Variants in PPP2R3A observed in about 807,000 individuals in gnomAD.
The protein encoded by PPP2R3A is protein phosphatase 2 regulatory subunit B''alpha.
In PPP2R3A, 80 loss-of-function variants were observed where a neutral mutation model predicts 106.9. The observed-to-expected ratio is 0.75, with a 90% confidence interval of 0.62 to 0.90. The LOEUF (loss-of-function observed/expected upper bound fraction) is 0.90. Among genes scored for constraint, PPP2R3A ranks in the 40% least tolerant of loss-of-function variants. PPP2R3A has a pLI of 0.00. For synonymous variants in PPP2R3A, 483 were observed against 468.3 expected, an observed-to-expected ratio of 1.03 and a Z score of -0.41; for missense variants, 1,386 against 1,350.4, an observed-to-expected ratio of 1.03 and a Z score of -0.41.
At chr3:136,093,071 A>G (rs956702844) in intron 10 of PPP2R3A, among the ~76,000 whole-genome samples, 1 of 152,262 alleles carries the variant, frequency 6.6e-6, no homozygotes, top group Non-Finnish European at 1.5e-5. Flanking sequence ...CACCAAAAGC[A>G]TAAGTATCAA....
At chr3:136,030,632 T>C (rs1021523725) in intron 3 of PPP2R3A, among the ~76,000 whole-genome samples, 10 of 152,060 alleles carry the variant, frequency 6.6e-5, no homozygotes, top group African/African-American at 1.4e-4. Flanking sequence ...CTCCCACTTA[T>C]GAGTGAGAAC....
intron 13 of PPP2R3A, among the ~76,000 whole-genome samples, chr3:136,127,936 GAAAA>G (rs1309842550): frequency 2.0e-5 from 3 of 152,072 alleles, no homozygotes; most frequent in African/African-American, 7.2e-5. Flanking sequence ...GAAGGAGAAA[GAAAA>G]TCCTTTACAG....
chr3:136,010,997 GTTA>G (rs1934050542), intron 2 of PPP2R3A, among the ~76,000 whole-genome samples: 1 of 152,118 alleles, frequency 6.6e-6, no homozygotes, highest in Non-Finnish European at 1.5e-5. Context: ...TGAAAGAGCT[GTTA>G]TTATTGTTTC....
intron 5 of PPP2R3A, among the ~76,000 whole-genome samples, chr3:136,050,646 C>A (rs1191630766): frequency 6.6e-6 from 1 of 152,210 alleles, no homozygotes; most frequent in African/African-American, 2.4e-5. Flanking sequence ...TTTAGCTGCA[C>A]CCCTAGGGTG....
At chr3:136,103,576 G>C (rs1937437043) in intron 12 of PPP2R3A, among the ~76,000 whole-genome samples, 200 bp downstream of exon 12, 1 of 152,096 alleles carries the variant, frequency 6.6e-6, no homozygotes, top group Admixed American at 6.6e-5. Flanking sequence ...TAAGTAACCT[G>C]CATCTGTGTA....
chr3:135,998,121 G>A (rs535502776), intron 1 of PPP2R3A, among the ~76,000 whole-genome samples: 69 of 152,288 alleles, frequency 4.5e-4, no homozygotes, highest in African/African-American at 1.6e-3. Context: ...CTATACGCCC[G>A]CCAGTGAAAC....
chr3:136,042,631 G>T (rs560400381), intron 4 of PPP2R3A, among the ~76,000 whole-genome samples: 1 of 152,166 alleles, frequency 6.6e-6, no homozygotes, highest in Non-Finnish European at 1.5e-5. Flanking sequence ...CGCAAAAAGC[G>T]GGGGAAAGAC....
intron 5 of PPP2R3A, among the ~76,000 whole-genome samples, chr3:136,065,204 T>A (rs1936224469): frequency 6.6e-6 from 1 of 152,190 alleles, no homozygotes; most frequent in Non-Finnish European, 1.5e-5. Flanking sequence ...ACAAATGAGC[T>A]AAATCCACAT....
intron 13 of PPP2R3A, among the ~76,000 whole-genome samples, chr3:136,141,903 T>C (rs1470325743): frequency 6.6e-6 from 1 of 152,198 alleles, no homozygotes; most frequent in African/African-American, 2.4e-5. Context: ...GAACTTGGGA[T>C]AACCGAGTTT....
intron 10 of PPP2R3A, among the ~76,000 whole-genome samples, chr3:136,101,684 C>T (rs1426736342): frequency 6.6e-6 from 1 of 152,128 alleles, no homozygotes; most frequent in Admixed American, 6.6e-5. Context: ...CCTCAGTCTC[C>T]CAAAGTGCTG....
chr3:136,005,850 T>C (rs1008301701), intron 2 of PPP2R3A, among the ~76,000 whole-genome samples: 1 of 152,214 alleles, frequency 6.6e-6, no homozygotes, highest in African/African-American at 2.4e-5. Context: ...AAACATCTGC[T>C]TTCTCTGATG....
At chr3:136,003,630 C>A (rs889659540) in intron 2 of PPP2R3A, 137 bp downstream of exon 2, 6 of 701,110 alleles carry the variant, frequency 8.6e-6, no homozygotes, top group Admixed American at 6.9e-5. Flanking sequence ...TGATCTCACT[C>A]AGCTCAGAGT....
Position 136,002,482 on chromosome 3 carries a change from T to C in PPP2R3A, c.984T>C (p.Thr328=). The change falls in exon 2 of 14, where the codon ACT becomes ACC. Residue 328 remains threonine (T), a synonymous_variant. Coordinates refer to ENST00000264977, the MANE Select transcript of PPP2R3A (RefSeq NM_002718.5). ...QLTPFSPVFG[T]EQPPKYEDVV... ...CTCCCTTCTCCCCAGTGTTTGGCACTGAACAACCCCCTAAATATGAAGATG... is the reference window on the plus strand; with the variant it reads ...CTCCCTTCTCCCCAGTGTTTGGCACCGAACAACCCCCTAAATATGAAGATG... The C allele has an allele frequency of 6.2e-7, 1 of 1,614,160 alleles. No homozygotes were observed. The highest frequency in any genetic ancestry group is 8.5e-7 in the Non-Finnish European group (1 of 1,179,988).
intron 4 of PPP2R3A, among the ~76,000 whole-genome samples, chr3:136,041,348 C>G (rs1935281263): frequency 7.1e-6 from 1 of 141,554 alleles, no homozygotes; most frequent in African/African-American, 2.7e-5. Context: ...GCCCCAAACT[C>G]TTGGGCTCAA....
rs536389374 is a variant in PPP2R3A at position 135,988,912 on chromosome 3, G to T, written c.-440-12147G>T. On this transcript the variant is annotated intron_variant, in intron 1 of 13. Coordinates refer to ENST00000264977, the MANE Select transcript of PPP2R3A (RefSeq NM_002718.5). ...TGAATCATTTTGGGAGGCACCTATTGATTATCTCACCATTAGTGACGCCAA... is the reference window on the plus strand; with the variant it reads ...TGAATCATTTTGGGAGGCACCTATTTATTATCTCACCATTAGTGACGCCAA... 6.7e-4 allele frequency among the ~76,000 whole-genome samples: 102 copies of T among 152,200 alleles called. 1 individual carries two copies. The highest frequency in any genetic ancestry group is 1.3e-3 in the Non-Finnish European group (91 of 67,984).
chr3:136,080,335 G>C (rs931004234), intron 7 of PPP2R3A, among the ~76,000 whole-genome samples: 1 of 152,152 alleles, frequency 6.6e-6, no homozygotes, highest in Admixed American at 6.5e-5. Context: ...GAACATCCTT[G>C]TATGGGGTAT....
chr3:135,979,867 A>G (rs1199589907), intron 1 of PPP2R3A, among the ~76,000 whole-genome samples: 3 of 151,874 alleles, frequency 2.0e-5, no homozygotes, highest in African/African-American at 4.9e-5. Flanking sequence ...ATGAAGATGT[A>G]TATTTGCATG....
At chr3:136,103,890 A>G (rs1337228325) in intron 12 of PPP2R3A, among the ~76,000 whole-genome samples, 1 of 152,196 alleles carries the variant, frequency 6.6e-6, no homozygotes, top group Non-Finnish European at 1.5e-5. Flanking sequence ...AATGCATTCT[A>G]CATCTGAATA....
At chr3:136,017,764 A>T (rs1450064203) in intron 2 of PPP2R3A, among the ~76,000 whole-genome samples, 1 of 152,180 alleles carries the variant, frequency 6.6e-6, no homozygotes, top group African/African-American at 2.4e-5. Context: ...CCTGCTTCTA[A>T]CACTAACCTC....
Sources: allele counts gnomAD v4.1 joint callset (sites outside exome capture counted in the v4.1 genomes callset), GRCh38; gene constraint gnomAD v4.1.1; transcripts MANE v1.5; gene names NCBI Gene and HGNC (gene_info 2026-07-23, HGNC 2026-07-21).